The following MAP9 variants were observed in gnomAD, a reference collection of about 807,000 sequenced individuals.
The protein encoded by MAP9 is microtubule-associated protein 9.
MAP9 carries 80 observed loss-of-function variants against 75.2 expected under a neutral mutation model. The ratio of observed to expected loss-of-function variants is 1.06; its 90% CI spans 0.89 to 1.28. The LOEUF (loss-of-function observed/expected upper bound fraction) is 1.28. Among genes scored for constraint, MAP9 ranks in the 50% most tolerant of loss-of-function variants. The probability of loss-of-function intolerance (pLI) is 0.00; values close to 1 mark genes in which losing one functional copy is unlikely to be tolerated. For missense variants in MAP9, 753 were observed against 719.9 expected (o/e 1.05, Z -0.53); for synonymous variants, 235 against 237.3 (o/e 0.99, Z 0.09).
chr4:155,352,274 G>T, intron 13 of MAP9: 1 of 240,886 alleles, frequency 4.2e-6, no homozygotes, highest in African/African-American at 2.4e-5. Flanking sequence ...TAGTAAACTT[G>T]TCTTCTTTCT....
intron 7 of MAP9, 26 bp downstream of exon 7, chr4:155,360,142 T>C (rs1055284543): frequency 3.1e-6 from 5 of 1,594,930 alleles, no homozygotes; most frequent in Admixed American, 1.7e-5. Flanking sequence ...AGCTGTAGTA[T>C]GAAAAGTATG....
intron 13 of MAP9, chr4:155,350,161 T>A: frequency 4.8e-6 from 2 of 417,326 alleles, no homozygotes; most frequent in South Asian, 3.5e-5. Flanking sequence ...CTAGTTTGTA[T>A]ATAAAAAGCT....
chr4:155,362,264 G>A (rs1214771536), intron 5 of MAP9, 123 bp from the exon 6 acceptor site: 2 of 619,338 alleles, frequency 3.2e-6, no homozygotes, highest in Non-Finnish European at 5.3e-6. Flanking sequence ...CATTATTTAG[G>A]CATTTGTTGC....
rs1231169633 is a variant in MAP9, at chr4:155,376,528, AGCGTTGT to A, written c.-65+236_-65+242del. 4 of 152,316 alleles carry A rather than the reference AGCGTTGT, an allele frequency of 2.6e-5. No individual in the cohort carries two copies. The East Asian group carries it at 7.7e-4, about 29-fold the overall frequency. 9.4% of individuals were successfully genotyped at this position (152,316 alleles called of 1,614,324 possible). On this transcript the variant is annotated intron_variant, in intron 1 of 13. Transcript: ENST00000311277. ...GCAGAGGCCTGGCAGGGCCGCCCAT[AGCGTTGT>A]GCGCCCCGGGTTCCGTTCCCTACCA... is the stretch of plus-strand genomic sequence containing the variant.
chr4:155,358,969 T>C (rs1221066165), intron 7 of MAP9, among the ~76,000 whole-genome samples: 2 of 152,120 alleles, frequency 1.3e-5, no homozygotes, highest in South Asian at 4.1e-4. Flanking sequence ...TGTATACTCT[T>C]GGTAAGAATG....
At chr4:155,371,712 A>T (rs928676137) in intron 4 of MAP9, among the ~76,000 whole-genome samples, 3 of 150,336 alleles carry the variant, frequency 2.0e-5, no homozygotes, top group Non-Finnish European at 4.4e-5. Flanking sequence ...GTAACCCACC[A>T]CAGGTTTTTT....
rs1731180945 is a variant in MAP9, at chr4:155,343,430, CTT to C, written c.*4351_*4352del. Reference sequence around the variant, plus strand: ...AGATGAGAACTGGGAACATGGGTGACTTTTGCTTATTTGCATTTTCTAATTAT... The same window carrying C: ...AGATGAGAACTGGGAACATGGGTGACTTGCTTATTTGCATTTTCTAATTAT... On this transcript the variant is annotated 3_prime_UTR_variant, in exon 14 of 14. Coordinates refer to ENST00000311277, the MANE Select transcript of MAP9 (RefSeq NM_001039580.2). 1 of 151,308 alleles carries C rather than the reference CTT, an allele frequency of 6.6e-6. No homozygotes were observed. Among genetic ancestry groups the C allele is most frequent in the Admixed American group, 6.6e-5 (1 of 15,176 alleles). 9.4% of individuals were successfully genotyped at this position (151,308 alleles called of 1,614,324 possible).
At position 155,360,380 on chromosome 4, in the gene MAP9, A is replaced by T. The variant is rs1399157140; in HGVS notation, c.838T>A (p.Leu280Met). 6.2e-7 allele frequency: 1 copy of T among 1,612,166 alleles called. No individual in the cohort carries two copies. The highest frequency in any genetic ancestry group is 2.2e-5 in the East Asian group (1 of 44,818). Residue 280 changes from leucine to methionine, a missense_variant, in exon 7 of 14, where the codon TTG (leucine) becomes ATG (methionine). By Grantham distance (15) the Leu-to-Met change is conservative (BLOSUM62 2). Coordinates refer to ENST00000311277, the MANE Select transcript of MAP9 (RefSeq NM_001039580.2). ...TTCTCTTTATTTTCATCTGATTTCA[A>T]GGAATTATGGTTTTCAGTGATTTCT... Reference protein sequence around the residue: ...NEEITENHNSLKSDENKENSF... With the variant: ...NEEITENHNSMKSDENKENSF...
chr4:155,352,478 A>G, intron 13 of MAP9, 118 bp downstream of exon 13: 2 of 1,018,004 alleles, frequency 2.0e-6, no homozygotes, highest in Non-Finnish European at 2.9e-6. Context: ...AATTCAACAA[A>G]GCAGATTCCA....
At chr4:155,354,595 C>A (rs1232842546) in intron 10 of MAP9, among the ~76,000 whole-genome samples, 3 of 151,490 alleles carry the variant, frequency 2.0e-5, no homozygotes, top group African/African-American at 7.3e-5. Context: ...TCCTGAGTAG[C>A]TGGGATTACA....
In MAP9 at chr4:155,347,715, A is replaced by G; in HGVS notation, c.*68T>C. On this transcript the variant is annotated 3_prime_UTR_variant, in exon 14 of 14. Transcript: ENST00000311277. ...TATTCCTCTAACTATAAATAATTGA[A>G]TGGTTTTAAATCTATGGCTAATATT... The G allele has an allele frequency of 7.3e-7, 1 of 1,375,490 alleles. No homozygotes were observed. Among genetic ancestry groups the G allele is most frequent in the Non-Finnish European group, 9.9e-7 (1 of 1,012,018 alleles). 85.2% of individuals were successfully genotyped at this position (1,375,490 alleles called of 1,614,324 possible). A position where few individuals can be genotyped will look rare whatever the true frequency, so the allele number is the denominator to read the frequency against.
Position 155,355,855 on chromosome 4 carries a change from G to C in MAP9, c.1151C>G (p.Ser384Cys), listed in dbSNP as rs111666305. 2.5e-5 allele frequency: 40 copies of C among 1,613,232 alleles called. No homozygotes were observed. The highest frequency in any genetic ancestry group is 2.3e-4 in the African/African-American group (17 of 74,970). ...RLMTSEFLKK[S>C]SSKRRTPSTT... ...CGATGGAGTTCTCCTTTTAGAACTA[G>C]ATTTCTTCAAAAACTCAGAGGTCAT... Residue 384 changes from serine (S) to cysteine (C), a missense_variant, in exon 9 of 14, where the codon TCT (serine) becomes TGT (cysteine). Transcript: ENST00000311277.
At chr4:155,365,130 G>A (rs571272291) in intron 5 of MAP9, among the ~76,000 whole-genome samples, 3 of 151,884 alleles carry the variant, frequency 2.0e-5, no homozygotes, top group Non-Finnish European at 4.4e-5. Flanking sequence ...TAATAAAAAA[G>A]TGACACCAAA....
At position 155,344,196 on chromosome 4, in the gene MAP9, A is replaced by G. The variant is rs554703447; in HGVS notation, c.*3587T>C. ...CCTCACTTTAAAGTGTAGGTACCCA[A>G]ATAGCTTTGATCTGGTGGACAGTTA... On this transcript the variant is annotated 3_prime_UTR_variant, in exon 14 of 14. Coordinates refer to ENST00000311277, the MANE Select transcript of MAP9 (RefSeq NM_001039580.2). 6.6e-6 allele frequency: 1 copy of G among 152,034 alleles called. No individual in the cohort carries two copies. Among genetic ancestry groups the G allele is most frequent in the South Asian group, 2.1e-4 (1 of 4,824 alleles). The allele number at this position is 152,034 out of a possible 1,614,324, so 9.4% of individuals were successfully genotyped here.
Position 155,373,160 on chromosome 4 carries a change from G to T in MAP9, c.457C>A (p.Leu153Ile), listed in dbSNP as rs913840263. 1 of 1,565,848 alleles carries T rather than the reference G, an allele frequency of 6.4e-7. No individual in the cohort carries two copies. The highest frequency in any genetic ancestry group is 1.4e-5 in the African/African-American group (1 of 72,856). Residue 153 changes from leucine (L) to isoleucine (I), a missense_variant, in exon 4 of 14, where the codon CTT becomes ATT. Physicochemically the swap from Leu to Ile is conservative, Grantham distance 5 (BLOSUM62 2). Transcript: ENST00000311277. ...CCTGAAGATGTGCTTTTAATTGAAAGAATTCTGGGTTTAGGTTTCATTTTT... is the reference window on the plus strand; with the variant it reads ...CCTGAAGATGTGCTTTTAATTGAAATAATTCTGGGTTTAGGTTTCATTTTT... The part of the protein sequence containing the change: ...KIKMKPKPRI[L>I]SIKSTSSAEN...
At chr4:155,374,868 G>A (rs1392684867) in intron 3 of MAP9, 69 bp downstream of exon 3, 10 of 952,592 alleles carry the variant, frequency 1.0e-5, no homozygotes, top group African/African-American at 1.6e-5. Flanking sequence ...TGGTTGGGGG[G>A]CTGGCTAAAT....
intron 5 of MAP9, among the ~76,000 whole-genome samples, chr4:155,365,862 T>C (rs1406261082): frequency 4.0e-5 from 6 of 151,812 alleles, no homozygotes; most frequent in African/African-American, 1.5e-4. Context: ...AAAAAATAAA[T>C]TTTTAAAACA....
rs143659542 is a variant in MAP9, at chr4:155,343,500, T to C, written c.*4283A>G. The stretch of plus-strand genomic sequence containing the variant: ...ATATTATCTCTCTCTGTAATTTGTG[T>C]AGTAAAACATCAGTTTTATATCCAA... On this transcript the variant is annotated 3_prime_UTR_variant, in exon 14 of 14. Coordinates refer to ENST00000311277, the MANE Select transcript of MAP9 (RefSeq NM_001039580.2). The C allele has an allele frequency of 4.0e-4, 61 of 151,764 alleles. No homozygotes were observed. The highest frequency in any genetic ancestry group is 1.4e-3 in the African/African-American group (58 of 41,548). The allele number at this position is 151,764 out of a possible 1,614,324, so 9.4% of individuals were successfully genotyped here.
chr4:155,356,244 G>C (rs2111214922), intron 8 of MAP9, among the ~76,000 whole-genome samples: 1 of 151,970 alleles, frequency 6.6e-6, no homozygotes, highest in African/African-American at 2.4e-5. Context: ...TCCAGCCTGA[G>C]CAACAGAGTG....
Sources: allele counts gnomAD v4.1 joint callset (sites outside exome capture counted in the v4.1 genomes callset), GRCh38; gene constraint gnomAD v4.1.1; transcripts MANE v1.5; gene names NCBI Gene and HGNC (gene_info 2026-07-23, HGNC 2026-07-21).